The following ADTRP variants were observed in gnomAD, a reference collection of about 807,000 sequenced individuals.
ADTRP encodes androgen-dependent TFPI-regulating protein.
In ADTRP, 20 loss-of-function variants were observed where a neutral mutation model predicts 27.0. The observed-to-expected ratio is 0.74, with a 90% CI of 0.52 to 1.08. ADTRP has a LOEUF of 1.08. Ranked by LOEUF, ADTRP falls within the 50% of genes least tolerant of loss-of-function variation. The pLI is 0.00. For missense variants in ADTRP, 251 were observed against 275.0 expected, an observed-to-expected ratio of 0.91 and a Z score of 0.62; for synonymous variants, 101 against 105.2, an observed-to-expected ratio of 0.96 and a Z score of 0.25.
At chr6:11,771,154 A>C (rs976313317) in intron 1 of ADTRP, among the ~76,000 whole-genome samples, 4 of 152,152 alleles carry the variant, frequency 2.6e-5, no homozygotes, top group African/African-American at 7.2e-5. Context: ...TTCTCCATCA[A>C]TAAAAACTTG....
intron 1 of ADTRP, among the ~76,000 whole-genome samples, chr6:11,775,801 G>T (rs924269633): frequency 1.3e-5 from 2 of 152,278 alleles, no homozygotes; most frequent in South Asian, 2.1e-4. Context: ...GGCACAAAAG[G>T]GGGCTTTGCT....
At chr6:11,777,219 G>A (rs1160906240) in intron 1 of ADTRP, among the ~76,000 whole-genome samples, 1 of 151,198 alleles carries the variant, frequency 6.6e-6, no homozygotes, top group Non-Finnish European at 1.5e-5. Flanking sequence ...AAATGTAGGT[G>A]AGCTAGAATT....
At chr6:11,725,063 A>G (rs1185989827) in intron 4 of ADTRP, among the ~76,000 whole-genome samples, 3 of 152,220 alleles carry the variant, frequency 2.0e-5, no homozygotes, top group Non-Finnish European at 2.9e-5. Flanking sequence ...ACTTTCAGAA[A>G]CCCAAGGGTG....
chr6:11,724,624 A>C (rs73725704), intron 4 of ADTRP, among the ~76,000 whole-genome samples: 4,619 of 152,308 alleles, frequency 0.03, 226 homozygotes, highest in African/African-American at 0.1. Context: ...CATCAGCTAC[A>C]GTTCATCATT....
At chr6:11,775,590 T>G (rs1041500489) in intron 1 of ADTRP, among the ~76,000 whole-genome samples, 1 of 152,042 alleles carries the variant, frequency 6.6e-6, no homozygotes, top group Non-Finnish European at 1.5e-5. Flanking sequence ...GAGACTCCCA[T>G]CTGTCCTCTC....
chr6:11,720,118 G>A (rs1010073239), intron 5 of ADTRP, among the ~76,000 whole-genome samples: 9 of 152,172 alleles, frequency 5.9e-5, no homozygotes, highest in Non-Finnish European at 1.2e-4. Context: ...CACAGCCCCC[G>A]ACTGCCTCCC....
At chr6:11,716,760 G>A (rs1761844775) in intron 5 of ADTRP, among the ~76,000 whole-genome samples, 1 of 146,372 alleles carries the variant, frequency 6.8e-6, no homozygotes, top group Admixed American at 7.0e-5. Flanking sequence ...TGTCACCCAG[G>A]CTGGAAGGCA....
chr6:11,756,637 G>A (rs150501092), intron 3 of ADTRP, among the ~76,000 whole-genome samples: 1,807 of 152,292 alleles, frequency 0.012, 20 homozygotes, highest in Non-Finnish European at 0.02. Context: ...GATAGTAGAT[G>A]CTGGCTATGT....
intron 5 of ADTRP, among the ~76,000 whole-genome samples, chr6:11,718,325 C>G (rs1318104668): frequency 6.6e-6 from 1 of 152,242 alleles, no homozygotes; most frequent in African/African-American, 2.4e-5. Context: ...AGAGGCCCTG[C>G]CATTTGGGCC....
intron 3 of ADTRP, among the ~76,000 whole-genome samples, chr6:11,760,533 C>T (rs1763362204): frequency 6.6e-6 from 1 of 152,124 alleles, no homozygotes; most frequent in East Asian, 1.9e-4. Context: ...TGGAGTATTC[C>T]AAGACTTAGT....
At chr6:11,726,334 G>T (rs1192427523) in intron 4 of ADTRP, among the ~76,000 whole-genome samples, 2 of 152,158 alleles carry the variant, frequency 1.3e-5, no homozygotes, top group Non-Finnish European at 2.9e-5. Context: ...GGTGTTGGGA[G>T]GGGGAGCCTA....
chr6:11,765,984 T>C (rs1446524512), intron 3 of ADTRP, among the ~76,000 whole-genome samples: 1 of 152,160 alleles, frequency 6.6e-6, no homozygotes, highest in Non-Finnish European at 1.5e-5. Context: ...TTTGCAGAAG[T>C]CACTTCTCTT....
intron 1 of ADTRP, among the ~76,000 whole-genome samples, chr6:11,768,674 G>T (rs1469967096): frequency 2.0e-5 from 3 of 152,180 alleles, no homozygotes; most frequent in African/African-American, 7.2e-5. Flanking sequence ...CCTAAAAGGG[G>T]AATGTAAGGA....
intron 5 of ADTRP, among the ~76,000 whole-genome samples, chr6:11,716,538 A>G (rs1360110125): frequency 6.6e-6 from 1 of 152,012 alleles, no homozygotes; most frequent in Non-Finnish European, 1.5e-5. Context: ...TCCCAAAGTC[A>G]TTTTATTCTG....
At chr6:11,765,340 T>TTC (rs1283154183) in intron 3 of ADTRP, among the ~76,000 whole-genome samples, 4 of 147,206 alleles carry the variant, frequency 2.7e-5, no homozygotes, top group Non-Finnish European at 4.5e-5. Context: ...TTTTTTTTTT[T>TTC]TTTTGAGGCA....
At chr6:11,721,021 C>T (rs1762008017) in intron 5 of ADTRP, among the ~76,000 whole-genome samples, 1 of 152,180 alleles carries the variant, frequency 6.6e-6, no homozygotes, top group African/African-American at 2.4e-5. Context: ...ATTCGTAAGA[C>T]ACCCGAGGTC....
At chr6:11,743,692 C>T (rs1478817649) in intron 3 of ADTRP, among the ~76,000 whole-genome samples, 1 of 152,184 alleles carries the variant, frequency 6.6e-6, no homozygotes, top group Non-Finnish European at 1.5e-5. Flanking sequence ...CTAGTGCCTA[C>T]CACATTGTTT....
intron 3 of ADTRP, among the ~76,000 whole-genome samples, chr6:11,757,097 C>T (rs1763235143): frequency 1.3e-5 from 2 of 152,212 alleles, no homozygotes; most frequent in Non-Finnish European, 2.9e-5. Flanking sequence ...TATTTTTACT[C>T]TCTTCTTCTT....
At chr6:11,768,111 G>A in intron 2 of ADTRP, 138 bp downstream of exon 2, 1 of 1,059,074 alleles carries the variant, frequency 9.4e-7, no homozygotes, top group Non-Finnish European at 1.4e-6. Flanking sequence ...ATGTGGCGCA[G>A]TCCTCAGACA....
Sources: allele counts gnomAD v4.1 joint callset (sites outside exome capture counted in the v4.1 genomes callset), GRCh38; gene constraint gnomAD v4.1.1; transcripts MANE v1.5; gene names NCBI Gene and HGNC (gene_info 2026-07-23, HGNC 2026-07-21).